CTNNA2: variants seen among roughly 807,000 people sequenced by gnomAD.
CTNNA2 encodes catenin alpha 2, also known as catenin alpha-2.
A neutral mutation model predicts 101.0 loss-of-function variants in CTNNA2; 42 were observed. The observed-to-expected ratio is 0.42, with a 90% CI of 0.32 to 0.54. CTNNA2 has a LOEUF of 0.54. CTNNA2 is among the 20% of genes least tolerant of loss of function. The pLI is 0.14. For synonymous variants in CTNNA2, 450 were observed against 456.4 expected (o/e 0.99, Z 0.18); for missense variants, 871 against 1,223.1 (o/e 0.71, Z 4.29).
rs776027310 is a variant in CTNNA2, at chr2:79,874,144, A to T, written c.654A>T (p.Thr218=). Residue 218 remains threonine, a synonymous_variant, in exon 6 of 19, where the codon ACA becomes ACT. Coordinates refer to ENST00000402739, the MANE Select transcript of CTNNA2 (RefSeq NM_001282597.3). ...GAGGGGCTCTGAAGAAGAATGCCACAATGCTGTACACGGCCTCTCAAGCAT... is the reference window on the plus strand; with the variant it reads ...GAGGGGCTCTGAAGAAGAATGCCACTATGCTGTACACGGCCTCTCAAGCAT... ...AARGALKKNA[T]MLYTASQAFL... 6.2e-7 allele frequency: 1 copy of T among 1,614,202 alleles called. No individual in the cohort carries two copies. Among genetic ancestry groups the T allele is most frequent in the Non-Finnish European group, 8.5e-7 (1 of 1,180,040 alleles).
chr2:80,163,929 CT>C (rs201787223), intron 7 of CTNNA2, among the ~76,000 whole-genome samples: 22 of 151,332 alleles, frequency 1.5e-4, no homozygotes, highest in Middle Eastern at 3.4e-3. Context: ...GCCAATTCTG[CT>C]TTTTTTCATT....
At chr2:80,000,977 C>G (rs1375200789) in intron 7 of CTNNA2, among the ~76,000 whole-genome samples, 1 of 152,136 alleles carries the variant, frequency 6.6e-6, no homozygotes, top group Non-Finnish European at 1.5e-5. Flanking sequence ...GTAGATGCTT[C>G]CAGCCAGTAT....
At chr2:80,318,569 G>A (rs976069999) in intron 7 of CTNNA2, among the ~76,000 whole-genome samples, 2 of 152,132 alleles carry the variant, frequency 1.3e-5, no homozygotes, top group African/African-American at 2.4e-5. Context: ...TCATGGATTC[G>A]TGAATTCTAA....
chr2:79,843,961 G>A (rs1680014555), intron 3 of CTNNA2, among the ~76,000 whole-genome samples: 1 of 152,158 alleles, frequency 6.6e-6, no homozygotes, highest in African/African-American at 2.4e-5. Flanking sequence ...AGCAGGCTAG[G>A]TTATTCTCTC....
At chr2:79,186,560 G>T (rs553874710) in intron 1 of CTNNA2, among the ~76,000 whole-genome samples, 1 of 152,302 alleles carries the variant, frequency 6.6e-6, no homozygotes, top group East Asian at 1.9e-4. Flanking sequence ...ATAAGAGCTT[G>T]TCTCACATCA....
intron 7 of CTNNA2, among the ~76,000 whole-genome samples, chr2:80,110,335 G>T (rs1367749720): frequency 6.6e-6 from 1 of 152,132 alleles, no homozygotes; most frequent in African/African-American, 2.4e-5. Context: ...TTTGAGAATT[G>T]TCTCTTTATT....
intron 7 of CTNNA2, among the ~76,000 whole-genome samples, chr2:80,385,874 A>G (rs1395851095): frequency 6.6e-6 from 1 of 152,084 alleles, no homozygotes; most frequent in African/African-American, 2.4e-5. Context: ...AATTCTACCT[A>G]CAACCTGTGA....
intron 17 of CTNNA2, 25 bp downstream of exon 17, chr2:80,608,343 T>C (rs772196721): frequency 3.8e-6 from 6 of 1,595,302 alleles, no homozygotes; most frequent in African/African-American, 2.7e-5. Context: ...GGCTTCACAA[T>C]GTAAAGTTCC....
At chr2:80,584,673 G>A (rs1240704827) in intron 14 of CTNNA2, among the ~76,000 whole-genome samples, 1 of 152,088 alleles carries the variant, frequency 6.6e-6, no homozygotes, top group South Asian at 2.1e-4. Context: ...GTGAAGCTGT[G>A]TGACTTTGGG....
chr2:79,334,481 A>T (rs140379869), intron 3 of CTNNA2, among the ~76,000 whole-genome samples: 1 of 152,290 alleles, frequency 6.6e-6, no homozygotes, highest in East Asian at 1.9e-4. Context: ...CATCATTTAG[A>T]CTAGGAGCAT....
intron 9 of CTNNA2, among the ~76,000 whole-genome samples, chr2:80,539,832 A>G (rs1371333044): frequency 6.6e-6 from 1 of 152,232 alleles, no homozygotes; most frequent in Non-Finnish European, 1.5e-5. Context: ...GAAATCCCAG[A>G]TCAATCTAAA....
Position 80,504,040 on chromosome 2 carries a change from G to A in CTNNA2, c.1291-40942G>A, listed in dbSNP as rs80242792. Among the ~76,000 whole-genome samples the A allele has an allele frequency of 5.5e-4, 83 of 152,256 alleles. No individual in the cohort carries two copies. The East Asian group carries it at 0.01, about 19-fold the overall frequency. ...TTGGTGGCCTAAAACAACATAAAAT[G>A]TATTATCTCAAAGTTTGTATGGGTC... is the stretch of plus-strand genomic sequence containing the variant. On this transcript the variant is annotated intron_variant, in intron 9 of 18. Transcript: ENST00000402739.
At position 79,286,198 on chromosome 2, in the gene CTNNA2, C is replaced by A. The variant is rs917487224; in HGVS notation, c.-405-26511C>A. Among the ~76,000 whole-genome samples, 1,221 of 152,242 alleles carry A rather than the reference C, an allele frequency of 8.0e-3. 14 individuals carry two copies. The highest frequency in any genetic ancestry group is 0.028 in the African/African-American group (1,169 of 41,514). ...GATACAGCACACTGATGGGTCTTGACTCTTTATCCAATTTGCCAGTCTGTG... is the reference window on the plus strand; with the variant it reads ...GATACAGCACACTGATGGGTCTTGAATCTTTATCCAATTTGCCAGTCTGTG... On this transcript the variant is annotated intron_variant, in intron 2 of 21. Transcript: ENST00000466387.
intron 7 of CTNNA2, among the ~76,000 whole-genome samples, chr2:80,229,178 A>G (rs1388966881): frequency 6.6e-6 from 1 of 152,154 alleles, no homozygotes; most frequent in Non-Finnish European, 1.5e-5. Context: ...TACACTCTAT[A>G]CTTCATTTCT....
chr2:79,384,047 G>A (rs1014160676), intron 4 of CTNNA2, among the ~76,000 whole-genome samples: 2 of 152,176 alleles, frequency 1.3e-5, no homozygotes, highest in South Asian at 2.1e-4. Flanking sequence ...TACAGGCCAA[G>A]CATTATAATG....
At chr2:80,452,366 C>T (rs984135040) in intron 9 of CTNNA2, among the ~76,000 whole-genome samples, 3 of 151,642 alleles carry the variant, frequency 2.0e-5, no homozygotes, top group Admixed American at 6.6e-5. Context: ...GGATGAGTAA[C>T]ACAGATGTGA....
At chr2:79,979,155 G>T (rs1286754777) in intron 7 of CTNNA2, among the ~76,000 whole-genome samples, 2 of 152,148 alleles carry the variant, frequency 1.3e-5, no homozygotes, top group African/African-American at 4.8e-5. Context: ...AGAGGCTAAG[G>T]TGGGAGGATC....
At chr2:79,852,107 T>C (rs1178273663) in intron 3 of CTNNA2, among the ~76,000 whole-genome samples, 1 of 152,164 alleles carries the variant, frequency 6.6e-6, no homozygotes, top group Non-Finnish European at 1.5e-5. Context: ...TCAGTATATG[T>C]TGGATAATTT....
chr2:79,991,187 A>G (rs1236495637), intron 7 of CTNNA2, among the ~76,000 whole-genome samples: 1 of 151,954 alleles, frequency 6.6e-6, no homozygotes, highest in Admixed American at 6.5e-5. Flanking sequence ...TAGTCTTGCT[A>G]GCGGTCTATA....
Sources: allele counts gnomAD v4.1 joint callset (sites outside exome capture counted in the v4.1 genomes callset), GRCh38; gene constraint gnomAD v4.1.1; transcripts MANE v1.5; gene names NCBI Gene and HGNC (gene_info 2026-07-23, HGNC 2026-07-21).